AHNAK2: variants seen among roughly 807,000 people sequenced by gnomAD.
AHNAK2 encodes AHNAK nucleoprotein 2, also known as protein AHNAK2.
Under a neutral mutation model 30.7 loss-of-function variants are expected in AHNAK2, and 18 were observed. That is an observed-to-expected ratio of 0.59 (90% confidence interval 0.41 to 0.87). The LOEUF (loss-of-function observed/expected upper bound fraction) is 0.87, where lower values mean the gene tolerates loss of function less well. Ranked by LOEUF, AHNAK2 falls within the 40% of genes least tolerant of loss-of-function variation. The pLI is 0.00. For missense variants in AHNAK2, 8,604 were observed against 7,373.0 expected (o/e 1.17, Z -6.11); for synonymous variants, 3,590 against 3,073.8 (o/e 1.17, Z -5.56).
chr14:104,944,842 C>T lies in AHNAK2; in HGVS notation c.10609G>A (p.Val3537Met), dbSNP rs766570137. 2.5e-6 allele frequency: 4 copies of T among 1,612,362 alleles called. No homozygotes were observed. In the South Asian group the frequency reaches 3.3e-5, roughly 13 times the overall value. ...GGGCCCTCCAGGAGTTCCACATCCA[C>T]TTGGACAGCCTGGACCTCCAGGTCA... ...SADLEVQAVQ[V>M]DVELLEGPVP... The change falls in exon 7 of 7, where the codon GTG (valine) becomes ATG (methionine). Residue 3537 changes from valine to methionine, a missense_variant. Val to Met is a conservative substitution (Grantham distance 21). Coordinates refer to ENST00000333244, the MANE Select transcript of AHNAK2 (RefSeq NM_138420.4).
rs1313985595 is a variant in AHNAK2, at chr14:104,942,897, G to A, written c.12554C>T (p.Ser4185Phe). 1.2e-6 allele frequency: 2 copies of A among 1,613,136 alleles called. No individual in the cohort carries two copies. The highest frequency in any genetic ancestry group is 1.7e-6 in the Non-Finnish European group (2 of 1,179,596). ...CTGGACCTCCAGGTCGGCGGAAGGG[G>A]ACTGAATGCTGAGGTCAGTGGTCTT... ...DLKTTDLSIQSPSADLEVQAG... is the reference protein window; with the variant it reads ...DLKTTDLSIQFPSADLEVQAG... Residue 4185 changes from serine (S) to phenylalanine (F), a missense_variant, in exon 7 of 7, where the codon TCC becomes TTC. Physicochemically the swap from Ser to Phe is radical, Grantham distance 155 (BLOSUM62 -2). Transcript: ENST00000333244.
chr14:104,958,672 A>G (rs911896257), intron 1 of AHNAK2, among the ~76,000 whole-genome samples: 1 of 152,208 alleles, frequency 6.6e-6, no homozygotes, highest in African/African-American at 2.4e-5. Flanking sequence ...AATATAAATT[A>G]ACCAATTTGA....
intron 1 of AHNAK2, among the ~76,000 whole-genome samples, chr14:104,973,747 C>A (rs977177027): frequency 1.3e-5 from 2 of 152,198 alleles, no homozygotes; most frequent in Non-Finnish European, 2.9e-5. Context: ...AGCCTCCCAC[C>A]ACCGCCACCC....
intron 1 of AHNAK2, among the ~76,000 whole-genome samples, chr14:104,965,995 C>A (rs555199028): frequency 6.6e-6 from 1 of 152,182 alleles, no homozygotes; most frequent in African/African-American, 2.4e-5. Context: ...CCTCTGCCTG[C>A]GCGGGCCCCT....
rs1312401403 is a variant in AHNAK2 at position 104,951,330 on chromosome 14, G to A, written c.4121C>T (p.Thr1374Ile). 1.2e-5 allele frequency: 13 copies of A among 1,075,390 alleles called. 3 individuals are homozygous for A. The highest frequency in any genetic ancestry group is 1.8e-5 in the Non-Finnish European group (13 of 740,492). The allele number at this position is 1,075,390 out of a possible 1,614,324, so 66.6% of individuals were successfully genotyped here. The part of the protein sequence containing the change: ...LPSMQGDLKT[T>I]DLSIQPPSTD... ...GGAAGGGGGCTGAATGCTGAGGTCAGTGGTCTTGAGGTCCCCCTGCATGGA... is the reference window on the plus strand; with the variant it reads ...GGAAGGGGGCTGAATGCTGAGGTCAATGGTCTTGAGGTCCCCCTGCATGGA... The change falls in exon 7 of 7, where the codon ACT (threonine) becomes ATT (isoleucine). Residue 1374 changes from threonine to isoleucine, a missense_variant. Transcript: ENST00000333244.
chr14:104,976,260 T>G (rs115382966), intron 1 of AHNAK2, among the ~76,000 whole-genome samples: 2,458 of 152,148 alleles, frequency 0.016, 60 homozygotes, highest in African/African-American at 0.056. Context: ...CAGCGCTGCG[T>G]GGGGTGGTCC....
chr14:104,945,714 A>C lies in AHNAK2; in HGVS notation c.9737T>G (p.Ile3246Arg), dbSNP rs754768132. 2.5e-6 allele frequency: 4 copies of C among 1,600,698 alleles called. No individual in the cohort carries two copies. The highest frequency in any genetic ancestry group is 1.4e-5 in the African/African-American group (1 of 73,436). The change falls in exon 7 of 7, where the codon ATA (isoleucine) becomes AGA (arginine). Residue 3246 changes from isoleucine to arginine, a missense_variant. Coordinates refer to ENST00000333244, the MANE Select transcript of AHNAK2 (RefSeq NM_138420.4). Reference protein sequence around the residue: ...MPKVDRKGPQIDIKGPKLDLK... With the variant: ...MPKVDRKGPQRDIKGPKLDLK... ...GTCCAGCTTGGGGCCCTTGATGTCT[A>C]TCTGGGGGCCCTTGCGATCTACTTT...
intron 1 of AHNAK2, among the ~76,000 whole-genome samples, chr14:104,976,588 C>T (rs539797627): frequency 6.6e-6 from 1 of 152,300 alleles, no homozygotes; most frequent in Admixed American, 6.5e-5. Context: ...TGCAAGTCTC[C>T]TACCAAAGCT....
At position 104,944,101 on chromosome 14, in the gene AHNAK2, G is replaced by A; in HGVS notation, c.11350C>T (p.Gln3784Ter). 2.5e-6 allele frequency: 4 copies of A among 1,613,234 alleles called. No homozygotes were observed. Among genetic ancestry groups the A allele is most frequent in the South Asian group, 1.1e-5 (1 of 91,032 alleles). Residue 3784 changes from glutamine (Q) to a stop codon, truncating the protein, a stop_gained, in exon 7 of 7, where the codon CAG (glutamine) becomes TAG (stop). Coordinates refer to ENST00000333244, the MANE Select transcript of AHNAK2 (RefSeq NM_138420.4). LOFTEE classifies it low-confidence loss of function (END_TRUNC). ...QAPRAKLDSA[Q>*]LEGDLSLADK... Reference sequence around the variant, plus strand: ...GCCAGGGACAGGTCCCCCTCCAGCTGTGCACTATCCAGTTTGGCTCTTGGG... The same window carrying A: ...GCCAGGGACAGGTCCCCCTCCAGCTATGCACTATCCAGTTTGGCTCTTGGG...
rs1386470513 is a variant in AHNAK2, at chr14:104,938,321, C to G, written c.17130G>C (p.Lys5710Asn). 6.2e-7 allele frequency: 1 copy of G among 1,613,932 alleles called. No individual in the cohort carries two copies. The highest frequency in any genetic ancestry group is 8.5e-7 in the Non-Finnish European group (1 of 1,179,884). Residue 5710 changes from lysine to asparagine, a missense_variant, in exon 7 of 7, where the codon AAG becomes AAC. Physicochemically the swap from Lys to Asn is moderately conservative, Grantham distance 94. Coordinates refer to ENST00000333244, the MANE Select transcript of AHNAK2 (RefSeq NM_138420.4). ...CCCCATCTTCGGTGCTTTTGCTTTT[C>G]TTGGTAGGAGATGAGGAGAACCCTA... ...PKLGFSSSPT[K>N]KSKSTEDGAE...
Position 104,945,227 on chromosome 14 carries a change from G to T in AHNAK2, c.10224C>A (p.Ser3408Arg). The stretch of plus-strand genomic sequence containing the variant: ...TGGGGCCCTTGATGTCCACCTGGGG[G>T]CTCTTGAGGTCCACTTTGGGCATCT... ...SFKMPKVDLKSPQVDIKGPKL... is the reference protein window; with the variant it reads ...SFKMPKVDLKRPQVDIKGPKL... The change falls in exon 7 of 7, where the codon AGC becomes AGA. Residue 3408 changes from serine to arginine, a missense_variant. Ser to Arg is a moderately radical substitution (Grantham distance 110). Coordinates refer to ENST00000333244, the MANE Select transcript of AHNAK2 (RefSeq NM_138420.4). 1 of 1,612,938 alleles carries T rather than the reference G, an allele frequency of 6.2e-7. No homozygotes were observed. The highest frequency in any genetic ancestry group is 8.5e-7 in the Non-Finnish European group (1 of 1,179,592).
At chr14:104,976,573 G>A (rs75836410) in intron 1 of AHNAK2, among the ~76,000 whole-genome samples, 4,798 of 152,280 alleles carry the variant, frequency 0.032, 124 homozygotes, top group Non-Finnish European at 0.045. Context: ...CAAGGTCTCT[G>A]ATCTTGCAAG....
chr14:104,945,306 G>T lies in AHNAK2; in HGVS notation c.10145C>A (p.Pro3382His), dbSNP rs763306348. 12 of 1,611,264 alleles carry T rather than the reference G, an allele frequency of 7.4e-6. No individual in the cohort carries two copies. The African/African-American group carries it at 8.1e-5, about 11-fold the overall frequency. Residue 3382 changes from proline to histidine, a missense_variant, in exon 7 of 7, where the codon CCC (proline) becomes CAC (histidine). Pro to His is a moderately conservative substitution (Grantham distance 77, BLOSUM62 -2). Coordinates refer to ENST00000333244, the MANE Select transcript of AHNAK2 (RefSeq NM_138420.4). ...GTGCCCTTTGAGGCCAGCTCCCTCG[G>T]GCACGTGGCCCTCCGGGAGCTTCAC... ...VDVKLPEGHVPEGAGLKGHLP... is the reference protein window; with the variant it reads ...VDVKLPEGHVHEGAGLKGHLP...
Position 104,947,635 on chromosome 14 carries a change from C to G in AHNAK2, c.7816G>C (p.Asp2606His). Residue 2606 changes from aspartate to histidine, a missense_variant, in exon 7 of 7, where the codon GAT becomes CAT. Coordinates refer to ENST00000333244, the MANE Select transcript of AHNAK2 (RefSeq NM_138420.4). ...ATGCTGGACAGAGACATCTCCACAT[C>G]GGGGGCTGTCACTTCCGCCTTGGGG... ...KGPKAEVTAP[D>H]VEMSLSSMEV... 2 of 1,613,098 alleles carry G rather than the reference C, an allele frequency of 1.2e-6. No individual in the cohort carries two copies. The highest frequency in any genetic ancestry group is 2.2e-5 in the East Asian group (1 of 44,776).
At chr14:104,976,378 G>A (rs1899592587) in intron 1 of AHNAK2, among the ~76,000 whole-genome samples, 1 of 152,212 alleles carries the variant, frequency 6.6e-6, no homozygotes, top group African/African-American at 2.4e-5. Context: ...GGACTGGACA[G>A]GAAGACGAGA....
chr14:104,952,496 G>C lies in AHNAK2; in HGVS notation c.2955C>G (p.Ser985=). ...LDGAWLEGDL[S]LADKDVTAKD... ...TGGCAGTCACGTCCTTGTCGGCCAG[G>C]GACAGGTCCCCCTCCAGCCACGCAC... is the stretch of plus-strand genomic sequence containing the variant. Residue 985 remains serine (S), a synonymous_variant, in exon 7 of 7, where the codon TCC becomes TCG. Transcript: ENST00000333244. The C allele has an allele frequency of 6.2e-7, 1 of 1,612,722 alleles. No homozygotes were observed. The highest frequency in any genetic ancestry group is 8.5e-7 in the Non-Finnish European group (1 of 1,179,626).
In AHNAK2 at chr14:104,978,265, C is replaced by A; in HGVS notation, c.-28G>T. 1.9e-6 allele frequency: 2 copies of A among 1,054,198 alleles called. No homozygotes were observed. The highest frequency in any genetic ancestry group is 1.2e-4 in the East Asian group (2 of 16,618). The allele number at this position is 1,054,198 out of a possible 1,614,324, so 65.3% of individuals were successfully genotyped here. A position where few individuals can be genotyped will look rare whatever the true frequency, so the allele number is the denominator to read the frequency against. Reference sequence around the variant, plus strand: ...CGGCGGCCAGGCGGTGCGGGCCTGGCGGCCCGTCGCGTCCAGTCGCTGGTC... The same window carrying A: ...CGGCGGCCAGGCGGTGCGGGCCTGGAGGCCCGTCGCGTCCAGTCGCTGGTC... On this transcript the variant is annotated 5_prime_UTR_variant, in exon 1 of 7. Coordinates refer to ENST00000333244, the MANE Select transcript of AHNAK2 (RefSeq NM_138420.4).
chr14:104,963,786 C>A (rs1487846150), intron 1 of AHNAK2, among the ~76,000 whole-genome samples: 1 of 148,728 alleles, frequency 6.7e-6, no homozygotes, highest in African/African-American at 2.5e-5. Context: ...GCTGAGATTG[C>A]GCCACTGCAC....
chr14:104,965,599 G>A (rs1288730403), intron 1 of AHNAK2, among the ~76,000 whole-genome samples: 1 of 152,148 alleles, frequency 6.6e-6, no homozygotes, highest in Non-Finnish European at 1.5e-5. Context: ...GCAGTGACAA[G>A]GAGGGTCTCA....
Sources: allele counts gnomAD v4.1 joint callset (sites outside exome capture counted in the v4.1 genomes callset), GRCh38; gene constraint gnomAD v4.1.1; transcripts MANE v1.5; gene names NCBI Gene and HGNC (gene_info 2026-07-23, HGNC 2026-07-21).